The following EYS variants were observed in gnomAD, a reference collection of about 807,000 sequenced individuals.
EYS encodes the protein protein eyes shut homolog.
A neutral mutation model predicts 282.1 loss-of-function variants in EYS; 250 were observed. The ratio of observed to expected loss-of-function variants is 0.89; its 90% CI spans 0.80 to 0.98. The LOEUF (loss-of-function observed/expected upper bound fraction) is 0.98. Ranked by LOEUF, EYS falls within the 50% of genes least tolerant of loss-of-function variation. The pLI, the probability that EYS is intolerant of heterozygous loss-of-function variation, is 0.00. For synonymous variants in EYS, 1,355 were observed against 1,282.9 expected (o/e 1.06, Z -1.20); for missense variants, 4,016 against 3,709.0 (o/e 1.08, Z -2.15).
intron 5 of EYS, among the ~76,000 whole-genome samples, chr6:65,407,661 G>A (rs373674796): frequency 1.1e-3 from 160 of 152,028 alleles, no homozygotes; most frequent in African/African-American, 3.8e-3. Flanking sequence ...TCTTTGGGGG[G>A]ATTCCTTAGG....
intron 22 of EYS, among the ~76,000 whole-genome samples, chr6:64,756,891 T>TA (rs201049850): frequency 0.012 from 1,803 of 152,012 alleles, 44 homozygotes; most frequent in African/African-American, 0.041. Context: ...AGTGCTTTTT[T>TA]TTTTTTTTTA....
intron 1 of EYS, among the ~76,000 whole-genome samples, chr6:65,694,753 A>AC (rs1769380364): frequency 7.1e-6 from 1 of 139,868 alleles, no homozygotes; most frequent in Non-Finnish European, 1.6e-5. Flanking sequence ...AAAAAAAAAA[A>AC]AAAAACTTTG....
intron 37 of EYS, among the ~76,000 whole-genome samples, chr6:63,803,430 C>T (rs938064055): frequency 7.9e-5 from 12 of 152,010 alleles, no homozygotes; most frequent in African/African-American, 2.7e-4. Context: ...GATAAATCAC[C>T]ATTTCTATAA....
intron 12 of EYS, among the ~76,000 whole-genome samples, chr6:65,288,383 T>A (rs574730734): frequency 6.7e-6 from 1 of 150,356 alleles, no homozygotes; most frequent in African/African-American, 2.4e-5. Flanking sequence ...TAAAAAAATA[T>A]AGGAATGGAC....
chr6:63,912,223 T>C (rs80304011), intron 35 of EYS, among the ~76,000 whole-genome samples: 1 of 152,300 alleles, frequency 6.6e-6, no homozygotes, highest in African/African-American at 2.4e-5. Context: ...ATCCTTTTTG[T>C]CGTAAGTCTC....
intron 13 of EYS, among the ~76,000 whole-genome samples, chr6:65,043,452 A>G (rs1035205347): frequency 1.3e-5 from 2 of 151,486 alleles, no homozygotes; most frequent in Admixed American, 1.3e-4. Context: ...GTACTTTATT[A>G]TTCACTGTAG....
chr6:64,042,071 G>A (rs1489368340), intron 33 of EYS, among the ~76,000 whole-genome samples: 1 of 152,092 alleles, frequency 6.6e-6, no homozygotes, highest in Admixed American at 6.5e-5. Flanking sequence ...CCTTTAGAAA[G>A]TTCACTAACA....
At chr6:65,188,202 T>A (rs1435099110) in intron 12 of EYS, among the ~76,000 whole-genome samples, 1 of 151,692 alleles carries the variant, frequency 6.6e-6, no homozygotes, top group Non-Finnish European at 1.5e-5. Context: ...TTAACCTAGC[T>A]CTAGAAGTTT....
intron 12 of EYS, among the ~76,000 whole-genome samples, chr6:65,262,628 G>C (rs1387841075): frequency 6.6e-6 from 1 of 151,976 alleles, no homozygotes; most frequent in East Asian, 1.9e-4. Context: ...GATATGAAAT[G>C]ATATATATTA....
intron 2 of EYS, among the ~76,000 whole-genome samples, chr6:65,556,053 C>T (rs1283133916): frequency 1.3e-5 from 2 of 152,134 alleles, no homozygotes; most frequent in Non-Finnish European, 2.9e-5. Context: ...TCTAGCTTTG[C>T]TCAATGGTCC....
chr6:63,835,349 A>G (rs1771777515), intron 36 of EYS, among the ~76,000 whole-genome samples: 1 of 145,114 alleles, frequency 6.9e-6, no homozygotes, highest in Non-Finnish European at 1.5e-5. Context: ...ATATATATAT[A>G]CACACACACA....
At chr6:64,233,458 T>A (rs1443972731) in intron 30 of EYS, among the ~76,000 whole-genome samples, 2 of 152,218 alleles carry the variant, frequency 1.3e-5, no homozygotes, top group Non-Finnish European at 2.9e-5. Flanking sequence ...AATTTTACCT[T>A]ATTTTTACAT....
chr6:63,788,342 A>C, intron 38 of EYS, 93 bp from the exon 39 acceptor site: 1 of 1,071,030 alleles, frequency 9.3e-7, no homozygotes, highest in African/African-American at 1.6e-5. Flanking sequence ...TTAACTTGGC[A>C]TGAAAAATTT....
At chr6:65,686,440 C>T (rs184498485) in intron 1 of EYS, among the ~76,000 whole-genome samples, 3 of 152,180 alleles carry the variant, frequency 2.0e-5, no homozygotes, top group African/African-American at 7.2e-5. Context: ...CTTGATCATA[C>T]AGTAAGGAGG....
At chr6:64,943,361 G>T (rs1769163867) in intron 15 of EYS, among the ~76,000 whole-genome samples, 1 of 151,960 alleles carries the variant, frequency 6.6e-6, no homozygotes, top group Non-Finnish European at 1.5e-5. Context: ...TCAGGCAAGA[G>T]AAATAAATAA....
chr6:64,756,926 G>A (rs1159831562), intron 22 of EYS, among the ~76,000 whole-genome samples: 5 of 149,168 alleles, frequency 3.4e-5, no homozygotes, highest in Admixed American at 2.7e-4. Flanking sequence ...CCCTGATGAA[G>A]TTTTCTAGGG....
chr6:65,616,165 C>T (rs980160922), intron 2 of EYS, among the ~76,000 whole-genome samples: 8 of 151,958 alleles, frequency 5.3e-5, no homozygotes, highest in African/African-American at 1.9e-4. Context: ...TTAAAGCCAG[C>T]TTTTATTCCA....
chr6:64,589,427 A>C (rs1766330571), intron 26 of EYS, among the ~76,000 whole-genome samples: 1 of 152,138 alleles, frequency 6.6e-6, no homozygotes, highest in Non-Finnish European at 1.5e-5. Flanking sequence ...CCACAAAGTA[A>C]CACTTGAAAA....
intron 22 of EYS, among the ~76,000 whole-genome samples, chr6:64,768,551 T>TA (rs1268066235): frequency 6.6e-6 from 1 of 152,242 alleles, no homozygotes; most frequent in Non-Finnish European, 1.5e-5. Context: ...GGTCACCCTA[T>TA]GAAAGGATGA....
Sources: gnomAD v4.1 joint callset for allele counts (sites outside exome capture counted in the v4.1 genomes callset) on GRCh38, gnomAD v4.1.1 for gene constraint, MANE v1.5 for transcripts, NCBI Gene and HGNC (gene_info 2026-07-23, HGNC 2026-07-21) for gene names.